Variants in INPP5A observed in about 807,000 individuals in gnomAD.
INPP5A encodes 43 kDa inositol polyphosphate 5-phophatase.
INPP5A carries 14 observed loss-of-function variants against 65.2 expected under a neutral mutation model. The observed-to-expected ratio is 0.21, with a 90% CI of 0.14 to 0.34. INPP5A has a LOEUF of 0.34. INPP5A is among the 10% of genes least tolerant of loss of function. INPP5A has a pLI of 1.00. For missense variants in INPP5A, 431 were observed against 545.6 expected (o/e 0.79, Z 2.09); for synonymous variants, 207 against 208.3 (o/e 0.99, Z 0.05).
chr10:132,711,573 C>A (rs145291683), intron 8 of INPP5A, among the ~76,000 whole-genome samples: 146 of 152,262 alleles, frequency 9.6e-4, no homozygotes, highest in African/African-American at 3.4e-3. Context: ...CTGACCTGAG[C>A]CCCCGCCCAG....
chr10:132,599,079 C>T (rs771459528), intron 1 of INPP5A, among the ~76,000 whole-genome samples: 3 of 152,168 alleles, frequency 2.0e-5, no homozygotes, highest in Non-Finnish European at 4.4e-5. Flanking sequence ...ATCCCTGGCC[C>T]CTCCAAACCT....
At chr10:132,703,134 G>A (rs1254292198) in intron 6 of INPP5A, among the ~76,000 whole-genome samples, 1 of 152,088 alleles carries the variant, frequency 6.6e-6, no homozygotes, top group Non-Finnish European at 1.5e-5. Flanking sequence ...CTTCCCCTGC[G>A]GTCACCCCTG....
At chr10:132,778,110 C>T (rs12354634) in intron 13 of INPP5A, among the ~76,000 whole-genome samples, 27 of 152,252 alleles carry the variant, frequency 1.8e-4, no homozygotes, top group Admixed American at 1.6e-3. Flanking sequence ...TCAACGTGCT[C>T]TTGTGCGTTC....
chr10:132,594,466 TGTA>T (rs1284031602), intron 1 of INPP5A, among the ~76,000 whole-genome samples: 1 of 152,064 alleles, frequency 6.6e-6, no homozygotes, highest in Non-Finnish European at 1.5e-5. Flanking sequence ...AACGTGTGTG[TGTA>T]GGTGTGCCCA....
At position 132,551,574 on chromosome 10, in the gene INPP5A, T is replaced by C. The variant is rs959191346; in HGVS notation, c.75+13403T>C. Among the ~76,000 whole-genome samples the C allele has an allele frequency of 6.6e-6, 1 of 152,232 alleles. No individual in the cohort carries two copies. The highest frequency in any genetic ancestry group is 2.4e-5 in the African/African-American group (1 of 41,452). On this transcript the variant is annotated intron_variant, in intron 1 of 15. Coordinates refer to ENST00000368594, the MANE Select transcript of INPP5A (RefSeq NM_005539.5). The surrounding 1 kb of genome is among the most constrained non-coding windows in gnomAD (Gnocchi z 5.3). ...TAGCACACAGACTTGTGGGGACATA[T>C]GACTTGCTTTAATTTTCTCCATCAC...
At position 132,538,345 on chromosome 10, in the gene INPP5A, G is replaced by A. The variant is rs1466799649; in HGVS notation, c.75+174G>A. Among the ~76,000 whole-genome samples, 1 of 152,030 alleles carries A rather than the reference G, an allele frequency of 6.6e-6. No individual in the cohort carries two copies. ...CCTGTCCTGATTCCCAAGTCTGGGA[G>A]CCCAGACCCCTGTCTTGATCCCCAA... On this transcript the variant is annotated intron_variant, in intron 1 of 15. Transcript: ENST00000368594. The surrounding 1 kb of genome is among the most constrained non-coding windows in gnomAD (Gnocchi z 4.1).
chr10:132,590,236 C>T (rs771251200), intron 1 of INPP5A, among the ~76,000 whole-genome samples: 1 of 151,976 alleles, frequency 6.6e-6, no homozygotes, highest in African/African-American at 2.4e-5. Flanking sequence ...GGTCAGATGC[C>T]GTCCTGTGGG....
intron 4 of INPP5A, among the ~76,000 whole-genome samples, chr10:132,665,962 G>T (rs2072795582): frequency 6.6e-6 from 1 of 152,070 alleles, no homozygotes; most frequent in Non-Finnish European, 1.5e-5. Context: ...GGCTGAGGCT[G>T]GAGGATCGTG....
chr10:132,720,948 C>T (rs561012200), intron 8 of INPP5A, among the ~76,000 whole-genome samples: 68 of 137,032 alleles, frequency 5.0e-4, no homozygotes, highest in African/African-American at 1.8e-3. Flanking sequence ...TCTGTCTGGG[C>T]GCCTTAGACG....
intron 8 of INPP5A, among the ~76,000 whole-genome samples, chr10:132,717,219 C>G (rs939575910): frequency 4.6e-5 from 7 of 152,228 alleles, no homozygotes; most frequent in African/African-American, 1.7e-4. Context: ...ACAAGGACAC[C>G]CTTCCTCTTG....
At chr10:132,560,257 G>A (rs1301752126) in intron 1 of INPP5A, among the ~76,000 whole-genome samples, 1 of 150,440 alleles carries the variant, frequency 6.6e-6, no homozygotes, top group Non-Finnish European at 1.5e-5. Context: ...GCTGGGTCAC[G>A]ATGTGTCTTC....
chr10:132,767,562 C>T (rs1465446667), intron 12 of INPP5A, among the ~76,000 whole-genome samples: 1 of 152,202 alleles, frequency 6.6e-6, no homozygotes, highest in Non-Finnish European at 1.5e-5. Context: ...CAGCCTTATC[C>T]TGTGGGAGGT....
At chr10:132,745,666 GGGCATGGTGGGCTTCA>G (rs1462647968) in intron 9 of INPP5A, among the ~76,000 whole-genome samples, 1 of 150,838 alleles carries the variant, frequency 6.6e-6, no homozygotes. Flanking sequence ...TGGTGGCCCT[GGGCATGGTGGGCTTCA>G]GGCATGGTGG....
At chr10:132,560,026 G>T (rs2071181948) in intron 1 of INPP5A, among the ~76,000 whole-genome samples, 1 of 152,088 alleles carries the variant, frequency 6.6e-6, no homozygotes, top group Non-Finnish European at 1.5e-5. Context: ...CCTGCTTGTG[G>T]AGTTGCTGTG....
intron 2 of INPP5A, among the ~76,000 whole-genome samples, chr10:132,613,154 G>A (rs972037156): frequency 6.6e-6 from 1 of 152,156 alleles, no homozygotes; most frequent in Non-Finnish European, 1.5e-5. Context: ...AACAGTTACT[G>A]TGAGCGTTGA....
At chr10:132,630,581 G>GTCCATGAGGGGAAGACA (rs2072253186) in intron 2 of INPP5A, among the ~76,000 whole-genome samples, 2 of 148,432 alleles carry the variant, frequency 1.3e-5, no homozygotes, top group African/African-American at 2.5e-5. Flanking sequence ...AGAGGAAGAC[G>GTCCATGAGGGGAAGACA]TCCATGAGGG....
chr10:132,634,724 G>A (rs1348888076), intron 2 of INPP5A, among the ~76,000 whole-genome samples: 2 of 152,296 alleles, frequency 1.3e-5, no homozygotes, highest in African/African-American at 2.4e-5. Context: ...GAGTTGTCTC[G>A]GTCATCACGA....
At position 132,674,924 on chromosome 10, in the gene INPP5A, C is replaced by T. The variant is rs2072943442; in HGVS notation, c.307-15468C>T. On this transcript the variant is annotated intron_variant, in intron 4 of 15. Transcript: ENST00000368594. The surrounding 1 kb of genome is among the most constrained non-coding windows in gnomAD (Gnocchi z 4.4). ...TTCACCTATGGGGACCTGCCAAAGG[C>T]TCCAAACAGCATCCTTATCTGCCAC... Among the ~76,000 whole-genome samples the T allele has an allele frequency of 6.6e-6, 1 of 152,204 alleles. No homozygotes were observed. Among genetic ancestry groups the T allele is most frequent in the Admixed American group, 6.5e-5 (1 of 15,286 alleles).
intron 4 of INPP5A, among the ~76,000 whole-genome samples, chr10:132,655,332 CA>C (rs1349794017): frequency 1.2e-4 from 17 of 146,994 alleles, no homozygotes; most frequent in African/African-American, 3.8e-4. Context: ...GTCTCGGTAC[CA>C]CGTTGGTACC....
Sources: gnomAD v4.1 joint callset for allele counts (sites outside exome capture counted in the v4.1 genomes callset) on GRCh38, gnomAD v4.1.1 for gene constraint, Gnocchi (gnomAD v3.1) non-coding constraint, MANE v1.5 for transcripts, NCBI Gene and HGNC (gene_info 2026-07-23, HGNC 2026-07-21) for gene names.